The following SOX5 variants were observed in gnomAD, a reference collection of about 807,000 sequenced individuals.
SOX5 encodes SRY-box transcription factor 5.
A neutral mutation model predicts 92.0 loss-of-function variants in SOX5; 9 were observed. That is an observed-to-expected ratio of 0.10 (90% CI 0.06 to 0.17). SOX5 has a LOEUF of 0.17. SOX5 is among the 10% of genes least tolerant of loss of function. The pLI, the probability that SOX5 is intolerant of heterozygous loss-of-function variation, is 1.00. For missense variants in SOX5, 642 were observed against 944.5 expected (o/e 0.68, Z 4.20); for synonymous variants, 344 against 336.3 (o/e 1.02, Z -0.25).
At chr12:24,319,458 CCTTT>C (rs1228938270) in intron 2 of SOX5, among the ~76,000 whole-genome samples, 1 of 152,190 alleles carries the variant, frequency 6.6e-6, no homozygotes, top group Non-Finnish European at 1.5e-5. Flanking sequence ...TTCTACTTCT[CCTTT>C]ATGTCCCATA....
At chr12:24,061,114 C>CT (rs202183054) in intron 4 of SOX5, among the ~76,000 whole-genome samples, 12 of 151,992 alleles carry the variant, frequency 7.9e-5, no homozygotes, top group Non-Finnish European at 1.0e-4. Context: ...TGCTTTCCTC[C>CT]TCCTTTTTTT....
At chr12:23,695,152 G>A (rs2089595148) in intron 6 of SOX5, among the ~76,000 whole-genome samples, 1 of 150,802 alleles carries the variant, frequency 6.6e-6, no homozygotes, top group Admixed American at 6.6e-5. Context: ...ACATACATTT[G>A]TGTGTGTATA....
chr12:23,825,229 A>T (rs1296299010), intron 3 of SOX5, among the ~76,000 whole-genome samples: 1 of 152,176 alleles, frequency 6.6e-6, no homozygotes, highest in East Asian at 1.9e-4. Context: ...TAGGCACCCA[A>T]GGGAATCTCC....
At chr12:23,684,686 G>A (rs887338262) in intron 6 of SOX5, among the ~76,000 whole-genome samples, 1 of 152,058 alleles carries the variant, frequency 6.6e-6, no homozygotes, top group African/African-American at 2.4e-5. Context: ...ATTCAAAAGT[G>A]TAAGTTCAAA....
rs559696560 is a variant in SOX5, at chr12:23,760,620, C to G, written c.482-4896G>C. On this transcript the variant is annotated intron_variant, in intron 3 of 14. Transcript: ENST00000451604. ...AATCCCCACCAGTGAATGGCCCCCC[C>G]CAACTGTGCCAGCCATTGTTACAAC... Among the ~76,000 whole-genome samples the G allele has an allele frequency of 1.6e-4, 25 of 152,172 alleles. No homozygotes were observed. The East Asian group carries it at 4.1e-3, about 25-fold the overall frequency.
At chr12:24,233,794 C>T (rs1019446802) in intron 3 of SOX5, among the ~76,000 whole-genome samples, 2 of 152,202 alleles carry the variant, frequency 1.3e-5, no homozygotes, top group Middle Eastern at 3.2e-3. Flanking sequence ...CATTAAGTAA[C>T]CAGACAGGTT....
At chr12:24,016,663 G>T (rs1345512984) in intron 4 of SOX5, among the ~76,000 whole-genome samples, 1 of 152,160 alleles carries the variant, frequency 6.6e-6, no homozygotes, top group Non-Finnish European at 1.5e-5. Context: ...AGACCATCTG[G>T]GTATATCACA....
intron 9 of SOX5, among the ~76,000 whole-genome samples, chr12:23,596,912 TC>T (rs1689124010): frequency 6.6e-6 from 1 of 152,186 alleles, no homozygotes; most frequent in African/African-American, 2.4e-5. Flanking sequence ...TACCCAGACA[TC>T]CTTTCTTATT....
intron 3 of SOX5, among the ~76,000 whole-genome samples, chr12:24,257,651 T>C (rs938161572): frequency 2.0e-5 from 3 of 151,894 alleles, no homozygotes; most frequent in African/African-American, 7.2e-5. Flanking sequence ...GTATTTTTAG[T>C]AGAGATGGGG....
chr12:23,937,576 T>A (rs1189922709), intron 1 of SOX5, among the ~76,000 whole-genome samples: 1 of 151,000 alleles, frequency 6.6e-6, no homozygotes. Flanking sequence ...TTCAGGAATA[T>A]AACCTATTCC....
At chr12:23,648,532 T>C (rs552811280) in intron 7 of SOX5, among the ~76,000 whole-genome samples, 1 of 152,290 alleles carries the variant, frequency 6.6e-6, no homozygotes, top group East Asian at 1.9e-4. Flanking sequence ...TAACCAAATA[T>C]GTCTGGTGTT....
rs148297012 is a variant in SOX5, at chr12:23,773,251, A to C, written c.482-17527T>G. 3.6e-3 allele frequency among the ~76,000 whole-genome samples: 544 copies of C among 152,314 alleles called. 3 individuals carry two copies. The highest frequency in any genetic ancestry group is 0.012 in the African/African-American group (509 of 41,570). On this transcript the variant is annotated intron_variant, in intron 3 of 14. Coordinates refer to ENST00000451604, the MANE Select transcript of SOX5 (RefSeq NM_006940.6). ...ATTTCTTGGCCCTTATCTGTGACTA[A>C]ATAATTTGTTCACCAAATCCAGTGG...
At chr12:23,953,234 T>A (rs1595880545), upstream of SOX5, among the ~76,000 whole-genome samples, 1 of 152,240 alleles carries the variant, frequency 6.6e-6, no homozygotes, top group East Asian at 1.9e-4. Context: ...GGTTATTTCA[T>A]TAAATGATCA....
chr12:24,014,369 G>A (rs1319374541), intron 4 of SOX5, among the ~76,000 whole-genome samples: 1 of 152,114 alleles, frequency 6.6e-6, no homozygotes, highest in Admixed American at 6.5e-5. Context: ...CAGAGGCTGT[G>A]GGTTTAGCCA....
intron 7 of SOX5, among the ~76,000 whole-genome samples, chr12:23,651,344 G>A (rs1013501929): frequency 6.6e-5 from 10 of 151,900 alleles, no homozygotes; most frequent in African/African-American, 1.2e-4. Flanking sequence ...ATTATCCCAC[G>A]GTTAATCATT....
At chr12:23,720,733 T>G (rs932476985) in intron 6 of SOX5, among the ~76,000 whole-genome samples, 4 of 152,226 alleles carry the variant, frequency 2.6e-5, no homozygotes, top group African/African-American at 4.8e-5. Flanking sequence ...TTCCTAATTG[T>G]TCTCTTAAAA....
At chr12:24,036,163 A>G (rs891642973) in intron 4 of SOX5, among the ~76,000 whole-genome samples, 1 of 152,052 alleles carries the variant, frequency 6.6e-6, no homozygotes, top group Non-Finnish European at 1.5e-5. Context: ...CAACACAAAT[A>G]CTGTAATATA....
chr12:24,167,655 A>G (rs1953573186), intron 4 of SOX5, among the ~76,000 whole-genome samples: 1 of 152,238 alleles, frequency 6.6e-6, no homozygotes, highest in South Asian at 2.1e-4. Context: ...GAGTCTACAG[A>G]AGGTACACAT....
chr12:24,384,385 G>A (rs1320319490), intron 1 of SOX5, among the ~76,000 whole-genome samples: 1 of 151,296 alleles, frequency 6.6e-6, no homozygotes, highest in Non-Finnish European at 1.5e-5. Flanking sequence ...GTCACGGACT[G>A]ATACCAGTCT....
Sources: gnomAD v4.1 joint callset for allele counts (sites outside exome capture counted in the v4.1 genomes callset) on GRCh38, gnomAD v4.1.1 for gene constraint, MANE v1.5 for transcripts, NCBI Gene and HGNC (gene_info 2026-07-23, HGNC 2026-07-21) for gene names.